The following ATP8B3 variants were observed in gnomAD, a reference collection of about 807,000 sequenced individuals.
The protein encoded by ATP8B3 is phospholipid-transporting ATPase IK.
Under a neutral mutation model 140.9 loss-of-function variants are expected in ATP8B3, and 141 were observed. The observed-to-expected ratio is 1.00, with a 90% CI of 0.87 to 1.15. The LOEUF is 1.15. ATP8B3 is among the 50% of genes most tolerant of loss of function. The pLI, the probability that ATP8B3 is intolerant of heterozygous loss-of-function variation, is 0.00. For synonymous variants in ATP8B3, 765 were observed against 714.6 expected (o/e 1.07, Z -1.13); for missense variants, 1,874 against 1,740.6 (o/e 1.08, Z -1.36).
rs45509492 is a variant in ATP8B3, at chr19:1,806,782, G to A, written c.616-93C>T. 7,790 of 1,358,862 alleles carry A rather than the reference G, an allele frequency of 5.7e-3. 31 individuals carry two copies. Among genetic ancestry groups the A allele is most frequent in the Non-Finnish European group, 6.7e-3 (6,579 of 977,624 alleles). The allele number at this position is 1,358,862 out of a possible 1,614,324, so 84.2% of individuals were successfully genotyped here. A position where few individuals can be genotyped will look rare whatever the true frequency, so the allele number is the denominator to read the frequency against. On this transcript the variant is annotated intron_variant, in intron 6 of 28. Transcript: ENST00000310127. The surrounding 1 kb of genome is among the most constrained non-coding windows in gnomAD (Gnocchi z 5.6). ...CACTGCAGCCCAGCAGTGCCCGCCC[G>A]CAACACGGGGTCCCTGTCCGCTGGC...
At chr19:1,786,429 G>A (rs2068305986) in intron 25 of ATP8B3, among the ~76,000 whole-genome samples, 1 of 152,102 alleles carries the variant, frequency 6.6e-6, no homozygotes, top group Admixed American at 6.5e-5. Flanking sequence ...AGCCGGGCAT[G>A]GTGGTGCACG....
chr19:1,789,736 C>A lies in ATP8B3; in HGVS notation c.2479-9G>T. 1 of 1,550,958 alleles carries A rather than the reference C, an allele frequency of 6.4e-7. No homozygotes were observed. Among genetic ancestry groups the A allele is most frequent in the Non-Finnish European group, 8.7e-7 (1 of 1,153,628 alleles). On this transcript the variant is annotated splice_polypyrimidine_tract_variant and intron_variant, in intron 22 of 28. Transcript: ENST00000310127. ...GACACCAGCAGTTTGTCCTGGCCGGCGGGGAGGGGGCTGTGCCAGGCGCCG... is the reference window on the plus strand; with the variant it reads ...GACACCAGCAGTTTGTCCTGGCCGGAGGGGAGGGGGCTGTGCCAGGCGCCG...
rs375254455 is a variant in ATP8B3 at position 1,807,271 on chromosome 19, C to A, written c.517-5G>T. 1.2e-6 allele frequency: 2 copies of A among 1,609,380 alleles called. No individual in the cohort carries two copies. The highest frequency in any genetic ancestry group is 1.7e-6 in the Non-Finnish European group (2 of 1,177,464). On this transcript the variant is annotated splice_region_variant and splice_polypyrimidine_tract_variant and intron_variant, in intron 5 of 28. Transcript: ENST00000310127. The surrounding 1 kb of genome is among the most constrained non-coding windows in gnomAD (Gnocchi z 5.9). ...CGTGGAGATGTCGGGAATGCTCTGA[C>A]GTGAGGGGGCCACAGGAAGGGTCAC...
chr19:1,811,017 G>A (rs1023638316), intron 2 of ATP8B3, among the ~76,000 whole-genome samples: 22 of 152,128 alleles, frequency 1.4e-4, no homozygotes, highest in African/African-American at 4.8e-5. Context: ...GCCAGCCTCC[G>A]GCCACTGCTC....
chr19:1,799,696 G>A lies in ATP8B3; in HGVS notation c.1552+251C>T, dbSNP rs186444156. ...GGAGAATCGCTTGAACCTGGGAGGT[G>A]GAGATTGCAGTGAGCCAAGATTGCA... On this transcript the variant is annotated intron_variant, in intron 14 of 28. Transcript: ENST00000310127. The A allele has an allele frequency of 7.6e-4, 438 of 578,658 alleles. 1 individual carries two copies. The East Asian group carries it at 0.011, about 15-fold the overall frequency. The allele number at this position is 578,658 out of a possible 1,614,324, so 35.8% of individuals were successfully genotyped here.
At chr19:1,792,660 C>A (rs2145183380) in intron 18 of ATP8B3, among the ~76,000 whole-genome samples, 1 of 151,508 alleles carries the variant, frequency 6.6e-6, no homozygotes, top group Admixed American at 6.6e-5. Flanking sequence ...ACCTGTAATC[C>A]CAGCACTTTG....
At chr19:1,798,263 T>C (rs914096037) in intron 14 of ATP8B3, among the ~76,000 whole-genome samples, 2 of 152,100 alleles carry the variant, frequency 1.3e-5, no homozygotes, top group South Asian at 4.1e-4. Context: ...TTGAACCATT[T>C]CTTGGGGACT....
Position 1,789,940 on chromosome 19 carries a change from C to A in ATP8B3, c.2428G>T (p.Glu810Ter). 6.2e-7 allele frequency: 1 copy of A among 1,612,192 alleles called. No individual in the cohort carries two copies. The highest frequency in any genetic ancestry group is 1.1e-5 in the South Asian group (1 of 91,082). Residue 810 changes from glutamate to a stop codon, truncating the protein, a stop_gained, in exon 22 of 29, where the codon GAG becomes TAG. Transcript: ENST00000310127. LOFTEE classifies it high-confidence loss of function. The part of the protein sequence containing the change: ...WENSNNLLTR[E>*]SLSQVKLALV... ...GCCAGCTTGACCTGCGACAGGGACT[C>A]CCTGGTTAGAAGGTTGTTACTGTTT...
rs761534557 is a variant in ATP8B3, at chr19:1,800,114, C to T, written c.1385G>A (p.Trp462Ter). Residue 462 changes from tryptophan (W) to a stop codon, truncating the protein, a stop_gained, in exon 14 of 29, where the codon TGG becomes TAG. Coordinates refer to ENST00000310127, the MANE Select transcript of ATP8B3 (RefSeq NM_138813.4). LOFTEE classifies it high-confidence loss of function. This position sits in a 1 kb window ranked among gnomAD's most constrained non-coding sequence, Gnocchi z 4.4. ...IYLGNSVFID[W>*]DVQMYYKPQD... ...CGGCTTGTAGTACATCTGCACGTCC[C>T]AGTCGATGAAGACGCTGTTCCCCAG... 75 of 1,563,958 alleles carry T rather than the reference C, an allele frequency of 4.8e-5. No individual in the cohort carries two copies. The highest frequency in any genetic ancestry group is 6.2e-5 in the Non-Finnish European group (72 of 1,154,294).
rs751381409 is a variant in ATP8B3 at position 1,789,748 on chromosome 19, T to C, written c.2479-21A>G. On this transcript the variant is annotated intron_variant, in intron 22 of 28. Transcript: ENST00000310127. ...TTGTCCTGGCCGGCGGGGAGGGGGC[T>C]GTGCCAGGCGCCGTGGCCTCCAGGC... 23 of 1,543,234 alleles carry C rather than the reference T, an allele frequency of 1.5e-5. No homozygotes were observed. The East Asian group carries it at 5.2e-4, about 35-fold the overall frequency.
Position 1,796,065 on chromosome 19 carries a change from G to A in ATP8B3, c.1942+12C>T, listed in dbSNP as rs1484063281. 2 of 1,612,198 alleles carry A rather than the reference G, an allele frequency of 1.2e-6. No individual in the cohort carries two copies. Among genetic ancestry groups the A allele is most frequent in the South Asian group, 1.1e-5 (1 of 91,078 alleles). ...ACCTTGGGGGGCCCAGGGCTTGGGT[G>A]GCGGGGCTCACCCAGCACCGACATC... is the stretch of plus-strand genomic sequence containing the variant. On this transcript the variant is annotated intron_variant, in intron 17 of 28. Coordinates refer to ENST00000310127, the MANE Select transcript of ATP8B3 (RefSeq NM_138813.4).
At position 1,787,084 on chromosome 19, in the gene ATP8B3, C is replaced by T; in HGVS notation, c.3153+19G>A. On this transcript the variant is annotated intron_variant, in intron 25 of 28. Coordinates refer to ENST00000310127, the MANE Select transcript of ATP8B3 (RefSeq NM_138813.4). ...CTAAGCAGAGACCTGGAAGGAAGAC[C>T]CGGCCTTGCCCTGCTCACCTGCTCA... The T allele has an allele frequency of 6.4e-7, 1 of 1,571,238 alleles. No individual in the cohort carries two copies. Among genetic ancestry groups the T allele is most frequent in the Non-Finnish European group, 8.7e-7 (1 of 1,154,042 alleles).
Position 1,805,258 on chromosome 19 carries a change from A to T in ATP8B3, c.904+116T>A. ...CCAAAGTGCTGGGATTCCAGGTGTG[A>T]GCCACTGGGCCTGGCCAGCACCTTG... On this transcript the variant is annotated intron_variant, in intron 10 of 28. Coordinates refer to ENST00000310127, the MANE Select transcript of ATP8B3 (RefSeq NM_138813.4). This position sits in a 1 kb window ranked among gnomAD's most constrained non-coding sequence, Gnocchi z 5.2. The T allele has an allele frequency of 9.9e-7, 1 of 1,011,046 alleles. No individual in the cohort carries two copies. The highest frequency in any genetic ancestry group is 1.5e-6 in the Non-Finnish European group (1 of 662,652). 62.6% of individuals were successfully genotyped at this position (1,011,046 alleles called of 1,614,324 possible).
Position 1,811,553 on chromosome 19 carries a change from C to T in ATP8B3, c.184G>A (p.Ala62Thr). ...TGGGCCTTGTGCCTCCTCTCAGGTG[C>T]CCCTCTGCCTGGGGAGTCTCCCATC... Reference protein sequence around the residue: ...AGMGDSPGRGAPERRHKAQPG... With the variant: ...AGMGDSPGRGTPERRHKAQPG... The change falls in exon 2 of 29, where the codon GCA becomes ACA. Residue 62 changes from alanine to threonine, a missense_variant. Coordinates refer to ENST00000310127, the MANE Select transcript of ATP8B3 (RefSeq NM_138813.4). 3 of 1,612,280 alleles carry T rather than the reference C, an allele frequency of 1.9e-6. No homozygotes were observed. Among genetic ancestry groups the T allele is most frequent in the Non-Finnish European group, 2.5e-6 (3 of 1,179,762 alleles).
Position 1,795,910 on chromosome 19 carries a change from C to G in ATP8B3, c.2020G>C (p.Gly674Arg), listed in dbSNP as rs536824974. The G allele has an allele frequency of 3.7e-6, 6 of 1,613,176 alleles. No individual in the cohort carries two copies. Among genetic ancestry groups the G allele is most frequent in the Non-Finnish European group, 4.2e-6 (5 of 1,179,836 alleles). The change falls in exon 18 of 29, where the codon GGG becomes CGG. Residue 674 changes from glycine (G) to arginine (R), a missense_variant. Transcript: ENST00000310127. ...TVIFERLHRR[G>R]AMEFATEEAL... Reference sequence around the variant, plus strand: ...TCCTCTGTGGCAAATTCCATTGCCCCCCTCCTGTGCAAGCGTTCGAAGATG... The same window carrying G: ...TCCTCTGTGGCAAATTCCATTGCCCGCCTCCTGTGCAAGCGTTCGAAGATG...
At position 1,811,647 on chromosome 19, in the gene ATP8B3, G is replaced by T. The variant is rs781749357; in HGVS notation, c.90C>A (p.Asp30Glu). ...CTGAGCCTTCCTGAGTCACGTCTGAGTCACCCGTGTCCCCAGGTCCTGGTG... is the reference window on the plus strand; with the variant it reads ...CTGAGCCTTCCTGAGTCACGTCTGATTCACCCGTGTCCCCAGGTCCTGGTG... ...PAPPGPGDTG[D>E]SDVTQEGSGP... Residue 30 changes from aspartate to glutamate, a missense_variant, in exon 2 of 29, where the codon GAC (aspartate) becomes GAA (glutamate). Asp to Glu is a conservative substitution (Grantham distance 45). Transcript: ENST00000310127. 2.5e-6 allele frequency: 4 copies of T among 1,611,150 alleles called. No homozygotes were observed. Among genetic ancestry groups the T allele is most frequent in the Non-Finnish European group, 3.4e-6 (4 of 1,179,804 alleles).
rs1296791262 is a variant in ATP8B3 at position 1,806,566 on chromosome 19, T to C, written c.677+62A>G. The stretch of plus-strand genomic sequence containing the variant: ...GGTGATGGACACTTGCCGAGGCCGA[T>C]GACCCTGCTGGGCTGGAGCCCCCGT... On this transcript the variant is annotated intron_variant, in intron 7 of 28. Coordinates refer to ENST00000310127, the MANE Select transcript of ATP8B3 (RefSeq NM_138813.4). The surrounding 1 kb of genome is among the most constrained non-coding windows in gnomAD (Gnocchi z 5.6). 1.9e-6 allele frequency: 3 copies of C among 1,547,178 alleles called. No individual in the cohort carries two copies. The highest frequency in any genetic ancestry group is 2.6e-6 in the Non-Finnish European group (3 of 1,146,034).
intron 12 of ATP8B3, 103 bp downstream of exon 12, chr19:1,801,853 G>T (rs1210990663): frequency 7.1e-6 from 6 of 842,978 alleles, no homozygotes; most frequent in South Asian, 1.7e-5. Flanking sequence ...ACAGGATCAG[G>T]CCGCACATTT....
chr19:1,786,922 T>C (rs1490826453), intron 25 of ATP8B3, among the ~76,000 whole-genome samples, 181 bp downstream of exon 25: 1 of 152,084 alleles, frequency 6.6e-6, no homozygotes, highest in East Asian at 1.9e-4. Flanking sequence ...GGGATGAGCG[T>C]AGGCTCCGGT....
Sources: allele counts gnomAD v4.1 joint callset (sites outside exome capture counted in the v4.1 genomes callset), GRCh38; gene constraint gnomAD v4.1.1; non-coding constraint Gnocchi (gnomAD v3.1); transcripts MANE v1.5; gene names NCBI Gene and HGNC (gene_info 2026-07-23, HGNC 2026-07-21).